ZNF567: variants seen among roughly 807,000 people sequenced by gnomAD.
ZNF567 encodes zinc finger protein 567.
A neutral mutation model predicts 53.9 loss-of-function variants in ZNF567; 36 were observed. The observed-to-expected ratio is 0.67, with a 90% CI of 0.51 to 0.88. ZNF567 has a LOEUF of 0.88. Ranked by LOEUF, ZNF567 falls within the 40% of genes least tolerant of loss-of-function variation. ZNF567 has a pLI of 0.00. For missense variants in ZNF567, 619 were observed against 764.7 expected, an observed-to-expected ratio of 0.81 and a Z score of 2.25; for synonymous variants, 224 against 260.4, an observed-to-expected ratio of 0.86 and a Z score of 1.35.
chr19:36,675,291 G>C, the ZNF567 span, among the ~76,000 whole-genome samples: 2 of 152,158 alleles, frequency 1.3e-5, no homozygotes, highest in Non-Finnish European at 2.9e-5. Flanking sequence ...TGTAATACCA[G>C]TACTTTGGGA....
At chr19:36,667,656 CTTTTTTTTTTTT>C in the ZNF567 span, among the ~76,000 whole-genome samples, 1 of 134,924 alleles carries the variant, frequency 7.4e-6, no homozygotes, top group Non-Finnish European at 1.6e-5. Flanking sequence ...TTTTTTTTTT[CTTTTTTTTTTTT>C]TGAGACGGAG....
chr19:36,669,082 A>G, the ZNF567 span: 1 of 152,192 alleles, frequency 6.6e-6, no homozygotes, highest in Non-Finnish European at 1.5e-5. Flanking sequence ...GTTATAAGTA[A>G]TCTAGAGAGG....
At chr19:36,696,323 C>G (rs2038883750) in intron 3 of ZNF567, among the ~76,000 whole-genome samples, 1 of 152,172 alleles carries the variant, frequency 6.6e-6, no homozygotes, top group Non-Finnish European at 1.5e-5. Flanking sequence ...TTTACACTCT[C>G]CTGTTCACTA....
the ZNF567 span, among the ~76,000 whole-genome samples, chr19:36,667,914 GC>G: frequency 6.6e-6 from 1 of 151,680 alleles, no homozygotes; most frequent in Non-Finnish European, 1.5e-5. Context: ...CTCCCAAAGT[GC>G]TGGATTACAG....
chr19:36,716,865 G>A (rs542388225), intron 5 of ZNF567, among the ~76,000 whole-genome samples: 10 of 151,946 alleles, frequency 6.6e-5, no homozygotes, highest in Admixed American at 3.9e-4. Context: ...TTGTTCTGTC[G>A]TCCAGGCTGG....
chr19:36,679,370 A>G, the ZNF567 span, among the ~76,000 whole-genome samples: 1 of 152,342 alleles, frequency 6.6e-6, no homozygotes, highest in East Asian at 1.9e-4. Context: ...AGTGTTGGTG[A>G]GGATGTAGAG....
At chr19:36,673,991 C>T in the ZNF567 span, among the ~76,000 whole-genome samples, 3 of 152,212 alleles carry the variant, frequency 2.0e-5, no homozygotes, top group East Asian at 1.9e-4. Flanking sequence ...ATATCCCACC[C>T]GCTTCACAAA....
chr19:36,685,865 A>C (rs1452657144), upstream of ZNF567: 4 of 152,170 alleles, frequency 2.6e-5, no homozygotes, highest in Non-Finnish European at 1.5e-5. Context: ...GATCATATTC[A>C]TGTGACAGCT....
chr19:36,706,764 TC>T (rs2039517841), intron 3 of ZNF567, among the ~76,000 whole-genome samples: 1 of 140,900 alleles, frequency 7.1e-6, no homozygotes, highest in Admixed American at 7.7e-5. Flanking sequence ...CCAGCAATCC[TC>T]CCACCGTAGC....
Position 36,719,235 on chromosome 19 carries a change from A to G in ZNF567, c.511A>G (p.Ser171Gly). The G allele has an allele frequency of 6.2e-7, 1 of 1,614,084 alleles. No homozygotes were observed. The highest frequency in any genetic ancestry group is 8.5e-7 in the Non-Finnish European group (1 of 1,179,994). Residue 171 changes from serine to glycine, a missense_variant, in exon 6 of 6, where the codon AGT becomes GGT. Transcript: ENST00000682579. Reference protein sequence around the residue: ...EYNGYGKSLLSTKQETTHPEV... With the variant: ...EYNGYGKSLLGTKQETTHPEV... ...TAATGGATATGGGAAATCACTCCTG[A>G]GTACTAAACAAGAGACTACTCATCC... is the stretch of plus-strand genomic sequence containing the variant.
chr19:36,684,279 GGTGAA>G (rs1331009118), upstream of ZNF567, among the ~76,000 whole-genome samples: 1 of 151,974 alleles, frequency 6.6e-6, no homozygotes, highest in East Asian at 1.9e-4. Flanking sequence ...TCACAAATGA[GGTGAA>G]GTGATTTGGA....
chr19:36,711,886 A>G (rs1253832231), intron 3 of ZNF567: 1 of 152,502 alleles, frequency 6.6e-6, no homozygotes, highest in Non-Finnish European at 1.5e-5. Flanking sequence ...AGAATGTGTT[A>G]TTTAAAAACT....
chr19:36,716,229 C>T (rs960292796), intron 5 of ZNF567, among the ~76,000 whole-genome samples: 14 of 152,106 alleles, frequency 9.2e-5, no homozygotes, highest in Non-Finnish European at 2.1e-4. Context: ...ATAATTTCCA[C>T]TTGATCTAGT....
chr19:36,701,257 T>C lies in ZNF567; in HGVS notation c.9+6381T>C, dbSNP rs561277220. Among the ~76,000 whole-genome samples the C allele has an allele frequency of 3.3e-5, 5 of 152,316 alleles. No individual in the cohort carries two copies. In the South Asian group the frequency reaches 1.0e-3, roughly 32 times the overall value. On this transcript the variant is annotated intron_variant, in intron 3 of 5. Coordinates refer to ENST00000682579, the MANE Select transcript of ZNF567 (RefSeq NM_001322917.1). Reference sequence around the variant, plus strand: ...TTTGAGTGAGTTTCTTAATCTTGAGTTCTAGTTTGATTGCACTGTGGTCTG... The same window carrying C: ...TTTGAGTGAGTTTCTTAATCTTGAGCTCTAGTTTGATTGCACTGTGGTCTG...
chr19:36,710,463 TTC>T (rs2039723597), intron 3 of ZNF567, among the ~76,000 whole-genome samples: 1 of 152,114 alleles, frequency 6.6e-6, no homozygotes, highest in Non-Finnish European at 1.5e-5. Flanking sequence ...GTAATCTGAA[TTC>T]TGTTATATCT....
chr19:36,688,943 A>G (rs1029793730), intron 1 of ZNF567, among the ~76,000 whole-genome samples: 1 of 152,096 alleles, frequency 6.6e-6, no homozygotes, highest in Non-Finnish European at 1.5e-5. Context: ...ACTAAAAAAT[A>G]TAAAAATTAG....
downstream of ZNF567, among the ~76,000 whole-genome samples, chr19:36,726,526 C>T (rs945452731): frequency 1.3e-5 from 2 of 152,136 alleles, no homozygotes; most frequent in Admixed American, 1.3e-4. Flanking sequence ...TTAGGTGTGA[C>T]TGAGGAGTTC....
chr19:36,667,730 A>G, the ZNF567 span, among the ~76,000 whole-genome samples: 3 of 149,214 alleles, frequency 2.0e-5, no homozygotes, highest in East Asian at 2.1e-4. Context: ...GCTCACTGCA[A>G]GCTCCGCCTC....
the ZNF567 span, among the ~76,000 whole-genome samples, chr19:36,676,546 T>G: frequency 6.6e-6 from 1 of 152,152 alleles, no homozygotes; most frequent in Admixed American, 6.5e-5. Context: ...CTGTGGGACT[T>G]ACTTTCAGTG....
Sources: allele counts gnomAD v4.1 joint callset (sites outside exome capture counted in the v4.1 genomes callset), GRCh38; gene constraint gnomAD v4.1.1; transcripts MANE v1.5; gene names NCBI Gene and HGNC (gene_info 2026-07-23, HGNC 2026-07-21).